TACC1: variants seen among roughly 807,000 people sequenced by gnomAD.
The protein encoded by TACC1 is transforming acidic coiled-coil-containing protein 1.
Under a neutral mutation model 84.4 loss-of-function variants are expected in TACC1, and 48 were observed. That is an observed-to-expected ratio of 0.57 (90% CI 0.45 to 0.72). The LOEUF (loss-of-function observed/expected upper bound fraction) is 0.72, where lower values mean the gene tolerates loss of function less well. TACC1 is among the 30% of genes least tolerant of loss of function. TACC1 has a pLI of 0.00. For missense variants in TACC1, 920 were observed against 973.0 expected (o/e 0.95, Z 0.72); for synonymous variants, 372 against 376.3 (o/e 0.99, Z 0.13).
chr8:38,788,815 C>A lies in TACC1; in HGVS notation c.273C>A (p.Ser91Arg). ...SLGLAGPGAK[S>R]QESQEADEQL... ...GATTGGCAGGACCTGGGGCCAAAAG[C>A]CAAGGTAAAGAAAAACTTGCATTTT... The change falls in exon 2 of 13, where the codon AGC (serine) becomes AGA (arginine). Residue 91 changes from serine to arginine, a missense_variant. Physicochemically the swap from Ser to Arg is moderately radical, Grantham distance 110. This residue lies in a region of TACC1 where 762 missense variants were observed against 747.3 expected (regional missense o/e 1.02). Transcript: ENST00000317827. 1 of 1,597,360 alleles carries A rather than the reference C, an allele frequency of 6.3e-7. No homozygotes were observed.
chr8:38,762,210 AC>A (rs1426242323), intron 3 of TACC1, among the ~76,000 whole-genome samples: 5 of 152,124 alleles, frequency 3.3e-5, no homozygotes, highest in Non-Finnish European at 7.4e-5. Context: ...AACCATCACC[AC>A]CACCCATTTC....
intron 3 of TACC1, among the ~76,000 whole-genome samples, chr8:38,754,731 T>C (rs2151763824): frequency 6.6e-6 from 1 of 152,376 alleles, no homozygotes; most frequent in African/African-American, 2.4e-5. Flanking sequence ...AGCCTCAGTA[T>C]ACTTTTACTA....
chr8:38,848,981 CAG>C lies in TACC1; in HGVS notation c.*961_*962del, dbSNP rs1476002370. On this transcript the variant is annotated 3_prime_UTR_variant, in exon 13 of 13. Coordinates refer to ENST00000317827, the MANE Select transcript of TACC1 (RefSeq NM_006283.3). The stretch of plus-strand genomic sequence containing the variant: ...ATTATCTTTTTTTTTTTTTTTGAGA[CAG>C]AGTTTCGATCTATTTTAAGTATGTG... The C allele has an allele frequency of 6.8e-6, 1 of 146,600 alleles. No homozygotes were observed. Among genetic ancestry groups the C allele is most frequent in the African/African-American group, 2.5e-5 (1 of 39,874 alleles). The allele number at this position is 146,600 out of a possible 1,614,324, so 9.1% of individuals were successfully genotyped here.
At chr8:38,842,627 T>G (rs1307727108) in intron 10 of TACC1, among the ~76,000 whole-genome samples, 180 bp downstream of exon 10, 1 of 152,234 alleles carries the variant, frequency 6.6e-6, no homozygotes, top group Non-Finnish European at 1.5e-5. Flanking sequence ...TTTTCCTTCT[T>G]TGGTTGTTCA....
intron 7 of TACC1, 126 bp downstream of exon 7, chr8:38,836,413 T>G: frequency 2.9e-6 from 4 of 1,369,470 alleles, no homozygotes; most frequent in South Asian, 1.3e-5. Flanking sequence ...ACCTGCAGCT[T>G]GTTTAGGTCG....
In TACC1 at chr8:38,852,246, T is replaced by C; in HGVS notation, c.*4223T>C. 2 of 265,222 alleles carry C rather than the reference T, an allele frequency of 7.5e-6. No individual in the cohort carries two copies. The highest frequency in any genetic ancestry group is 1.5e-5 in the Non-Finnish European group (2 of 130,622). The allele number at this position is 265,222 out of a possible 1,614,324, so 16.4% of individuals were successfully genotyped here. A position where few individuals can be genotyped will look rare whatever the true frequency, so the allele number is the denominator to read the frequency against. ...AGGAATGACTTTATTAACTATAATA[T>C]GGTTACAGCTATTATATAAATATAT... On this transcript the variant is annotated 3_prime_UTR_variant, in exon 13 of 13. Coordinates refer to ENST00000317827, the MANE Select transcript of TACC1 (RefSeq NM_006283.3).
chr8:38,841,142 A>C (rs1486216210), intron 9 of TACC1, among the ~76,000 whole-genome samples: 11 of 152,236 alleles, frequency 7.2e-5, no homozygotes, highest in Non-Finnish European at 1.6e-4. Context: ...TGATCAGTAT[A>C]TAACCTTGTT....
At position 38,732,186 on chromosome 8, in the gene TACC1, GGGAAA is replaced by G. The variant is rs10670002; in HGVS notation, c.-675+3536_-675+3540del. Among the ~76,000 whole-genome samples the G allele has an allele frequency of 2.7e-4, 34 of 127,164 alleles. No individual in the cohort carries two copies. The East Asian group carries it at 3.2e-3, about 12-fold the overall frequency. The allele number at this position is 127,164 out of a possible 152,430, so 83.4% of individuals were successfully genotyped here. A position where few individuals can be genotyped will look rare whatever the true frequency, so the allele number is the denominator to read the frequency against. ...GAAGGAAGGAAGGAAGGAAGGAAGAGGGAAAGGAAAGGAAAGGAAAGGAAAAGAAA... is the reference window on the plus strand; with the variant it reads ...GAAGGAAGGAAGGAAGGAAGGAAGAGGGAAAGGAAAGGAAAGGAAAAGAAA... On this transcript the variant is annotated intron_variant, in intron 1 of 14. Transcript: ENST00000518415.
intron 7 of TACC1, among the ~76,000 whole-genome samples, chr8:38,836,816 G>T (rs1830331637): frequency 6.6e-6 from 1 of 152,078 alleles, no homozygotes. Context: ...CCATTAATAA[G>T]TTGCCCACCC....
At chr8:38,791,944 C>T (rs1394138426) in intron 2 of TACC1, among the ~76,000 whole-genome samples, 1 of 152,158 alleles carries the variant, frequency 6.6e-6, no homozygotes, top group African/African-American at 2.4e-5. Flanking sequence ...TTTTCTTATA[C>T]TGGAACTGCT....
Position 38,848,028 on chromosome 8 carries a change from C to CT in TACC1, c.*6dup, listed in dbSNP as rs1261760807. The CT allele has an allele frequency of 1.9e-6, 3 of 1,612,906 alleles. No homozygotes were observed. In the East Asian group the frequency reaches 6.7e-5, roughly 36 times the overall value. ...AAGCTGGGAAAGACTGACTGAGACACTCCCCCTGTTAGCTCAACAGATCTG... is the reference window on the plus strand; with the variant it reads ...AAGCTGGGAAAGACTGACTGAGACACTTCCCCCTGTTAGCTCAACAGATCTG... On this transcript the variant is annotated 3_prime_UTR_variant, in exon 13 of 13. Coordinates refer to ENST00000317827, the MANE Select transcript of TACC1 (RefSeq NM_006283.3).
intron 11 of TACC1, among the ~76,000 whole-genome samples, chr8:38,844,340 T>G (rs1831822018): frequency 6.6e-6 from 1 of 151,762 alleles, no homozygotes; most frequent in East Asian, 1.9e-4. Context: ...ACCCGGCTAA[T>G]TTTTTGTATT....
intron 1 of TACC1, among the ~76,000 whole-genome samples, chr8:38,738,663 C>T (rs916983563): frequency 1.3e-5 from 2 of 151,082 alleles, no homozygotes; most frequent in African/African-American, 4.9e-5. Flanking sequence ...GTGTTTTGAG[C>T]ACTTTTTTTT....
At chr8:38,844,609 G>A (rs1831867513) in intron 11 of TACC1, among the ~76,000 whole-genome samples, 1 of 151,998 alleles carries the variant, frequency 6.6e-6, no homozygotes, top group African/African-American at 2.4e-5. Context: ...TTTTCCTATT[G>A]TCATTTTATA....
chr8:38,839,675 A>G (rs1211345921), intron 8 of TACC1: 2 of 209,398 alleles, frequency 9.6e-6, no homozygotes, highest in Non-Finnish European at 9.5e-6. Flanking sequence ...GGACTGGGTC[A>G]GAAGGACATT....
chr8:38,783,935 G>A (rs1816636346), upstream of TACC1, among the ~76,000 whole-genome samples: 2 of 152,224 alleles, frequency 1.3e-5, no homozygotes, highest in African/African-American at 4.8e-5. Flanking sequence ...AGACTGTCAT[G>A]TTAACATATT....
intron 2 of TACC1, among the ~76,000 whole-genome samples, chr8:38,794,089 G>A (rs968596701): frequency 3.9e-5 from 6 of 152,106 alleles, no homozygotes; most frequent in South Asian, 2.1e-4. Flanking sequence ...GATGTGGCCT[G>A]GCTATTTGTC....
At chr8:38,804,173 G>A (rs1263401503) in intron 2 of TACC1, among the ~76,000 whole-genome samples, 1 of 152,154 alleles carries the variant, frequency 6.6e-6, no homozygotes, top group African/African-American at 2.4e-5. Context: ...ATATAAGTAT[G>A]AAGTATTTTA....
chr8:38,802,971 A>G (rs901731212), intron 2 of TACC1, among the ~76,000 whole-genome samples: 8 of 152,214 alleles, frequency 5.3e-5, no homozygotes, highest in African/African-American at 7.2e-5. Context: ...GCAGGGGACA[A>G]ATATCCGAAC....
Sources: gnomAD v4.1 joint callset for allele counts (sites outside exome capture counted in the v4.1 genomes callset) on GRCh38, gnomAD v4.1.1 for gene constraint, gnomAD v4.1.1 regional missense constraint, MANE v1.5 for transcripts, NCBI Gene and HGNC (gene_info 2026-07-23, HGNC 2026-07-21) for gene names.